Variants in SS18 observed in about 807,000 individuals in gnomAD.
The protein encoded by SS18 is SS18 subunit of BAF chromatin remodeling complex, also known as protein SSXT.
In SS18, 28 loss-of-function variants were observed where a neutral mutation model predicts 72.5. That is an observed-to-expected ratio of 0.39 (90% CI 0.29 to 0.53). The LOEUF is 0.53. Among genes scored for constraint, SS18 ranks in the 20% least tolerant of loss-of-function variants. SS18 has a pLI of 0.76. For missense variants in SS18, 518 were observed against 535.3 expected, an observed-to-expected ratio of 0.97 and a Z score of 0.32; for synonymous variants, 172 against 164.2, an observed-to-expected ratio of 1.05 and a Z score of -0.37.
intron 10 of SS18, among the ~76,000 whole-genome samples, chr18:26,021,230 C>A (rs1229513362): frequency 6.6e-6 from 1 of 152,224 alleles, no homozygotes; most frequent in Non-Finnish European, 1.5e-5. Context: ...AACGTCACCA[C>A]TTAACAGCTT....
At position 26,073,032 on chromosome 18, in the gene SS18, A is replaced by C. The variant is rs551613186; in HGVS notation, c.231+5044T>G. Among the ~76,000 whole-genome samples, 4 of 152,270 alleles carry C rather than the reference A, an allele frequency of 2.6e-5. No homozygotes were observed. In the East Asian group the frequency reaches 5.8e-4, roughly 22 times the overall value. ...TATAGAACTCTGCTCTCAGTGGCTA[A>C]ACAATACATATTTTTTTTAAATACA... On this transcript the variant is annotated intron_variant, in intron 3 of 10. Transcript: ENST00000415083.
intron 10 of SS18, among the ~76,000 whole-genome samples, chr18:26,019,107 T>C (rs1298696718): frequency 6.6e-6 from 1 of 152,192 alleles, no homozygotes; most frequent in African/African-American, 2.4e-5. Context: ...AGCACAATTC[T>C]GTGAGTGGGG....
chr18:26,060,583 C>T (rs2054101222), intron 3 of SS18, among the ~76,000 whole-genome samples: 1 of 151,252 alleles, frequency 6.6e-6, no homozygotes, highest in South Asian at 2.1e-4. Context: ...GAATGGACAA[C>T]CAAGAGAAAT....
intron 5 of SS18, among the ~76,000 whole-genome samples, chr18:26,042,117 G>C (rs2053739144): frequency 6.6e-6 from 1 of 152,062 alleles, no homozygotes; most frequent in Non-Finnish European, 1.5e-5. Flanking sequence ...TCCTTCTTAG[G>C]ATAATGAAAT....
At chr18:26,077,895 T>C (rs1466766392) in intron 3 of SS18, among the ~76,000 whole-genome samples, 181 bp downstream of exon 3, 2 of 152,156 alleles carry the variant, frequency 1.3e-5, no homozygotes, top group African/African-American at 4.8e-5. Flanking sequence ...GAATCAATTT[T>C]AGGTGAATTC....
At chr18:26,043,185 G>A (rs987705808) in intron 5 of SS18, among the ~76,000 whole-genome samples, 1 of 152,076 alleles carries the variant, frequency 6.6e-6, no homozygotes, top group Admixed American at 6.6e-5. Flanking sequence ...GTACTGCTAC[G>A]AAAGGCTCTA....
chr18:26,047,205 G>C (rs898532196), intron 5 of SS18, among the ~76,000 whole-genome samples: 8 of 148,434 alleles, frequency 5.4e-5, no homozygotes, highest in Non-Finnish European at 1.0e-4. Flanking sequence ...GTTAGCGCCT[G>C]GCACTAACAG....
At chr18:26,087,429 G>C in intron 2 of SS18, 72 bp downstream of exon 2, 1 of 789,864 alleles carries the variant, frequency 1.3e-6, no homozygotes, top group Non-Finnish European at 2.2e-6. Context: ...TCTCAATAAA[G>C]CTGTTAGTAA....
At chr18:26,058,870 T>G (rs1326641136) in intron 3 of SS18, among the ~76,000 whole-genome samples, 1 of 152,202 alleles carries the variant, frequency 6.6e-6, no homozygotes, top group Non-Finnish European at 1.5e-5. Context: ...CTTAAAAACC[T>G]TGTTCAGTTT....
Position 26,038,599 on chromosome 18 carries a change from C to T in SS18, c.836G>A (p.Gly279Glu). 2 of 1,613,568 alleles carry T rather than the reference C, an allele frequency of 1.2e-6. No homozygotes were observed. The highest frequency in any genetic ancestry group is 1.7e-6 in the Non-Finnish European group (2 of 1,179,596). Residue 279 changes from glycine to glutamate, a missense_variant, in exon 7 of 11, where the codon GGA becomes GAA. Physicochemically the swap from Gly to Glu is moderately conservative, Grantham distance 98 (BLOSUM62 -2). Transcript: ENST00000415083. ...GTTCATGCCTTCTGGAGGACCTTGT[C>T]CACCATGACTGTATTGGTCCCCGTA... The part of the protein sequence containing the change: ...DYYGDQYSHG[G>E]QGPPEGMNQQ...
chr18:26,073,621 C>CA (rs1172748334), intron 3 of SS18, among the ~76,000 whole-genome samples: 6 of 152,080 alleles, frequency 3.9e-5, no homozygotes, highest in African/African-American at 1.4e-4. Context: ...TATTATTAGT[C>CA]AATGTATTAC....
upstream of SS18, chr18:26,090,618 G>A (rs369547897): frequency 1.7e-5 from 26 of 1,532,494 alleles, no homozygotes; most frequent in South Asian, 1.7e-4. Flanking sequence ...CCGGGTGAAC[G>A]GCAAACTGGG....
chr18:26,091,219 C>A (rs2054722836), upstream of SS18: 2 of 152,454 alleles, frequency 1.3e-5, no homozygotes, highest in Non-Finnish European at 2.9e-5. Flanking sequence ...GGTGGAAGGA[C>A]AAGGTGAACG....
rs368003587 is a variant in SS18, at chr18:26,022,289, C to T, written c.1231-3909G>A. ...TCAACAGTAATAAAAACAGACAAAG[C>T]GATGCTTTTAAAGAGGTTACATTCT... On this transcript the variant is annotated intron_variant, in intron 10 of 10. Transcript: ENST00000415083. Among the ~76,000 whole-genome samples, 23 of 152,030 alleles carry T rather than the reference C, an allele frequency of 1.5e-4. No homozygotes were observed. The East Asian group carries it at 2.3e-3, about 15-fold the overall frequency.
At chr18:26,066,364 A>G (rs1861706624) in intron 3 of SS18, among the ~76,000 whole-genome samples, 1 of 152,094 alleles carries the variant, frequency 6.6e-6, no homozygotes, top group South Asian at 2.1e-4. Flanking sequence ...TTAATTATCA[A>G]AATTGCCTAC....
At chr18:26,033,804 C>T (rs1298288435) in intron 9 of SS18, among the ~76,000 whole-genome samples, 3 of 152,020 alleles carry the variant, frequency 2.0e-5, no homozygotes, top group Non-Finnish European at 4.4e-5. Flanking sequence ...AACTATAATA[C>T]TTCAACAAAA....
intron 7 of SS18, among the ~76,000 whole-genome samples, chr18:26,036,499 T>C (rs910780247): frequency 2.6e-5 from 4 of 152,160 alleles, no homozygotes; most frequent in African/African-American, 9.7e-5. Flanking sequence ...CTTTAGAAAA[T>C]ATTTCAAGTA....
rs117727373 is a variant in SS18 at position 26,056,918 on chromosome 18, A to G, written c.385+671T>C. ...CAAACCAGCCAAAGGTAACTAAATCAGCATCCAATGTCTTAAAACATATCA... is the reference window on the plus strand; with the variant it reads ...CAAACCAGCCAAAGGTAACTAAATCGGCATCCAATGTCTTAAAACATATCA... On this transcript the variant is annotated intron_variant, in intron 4 of 10. Transcript: ENST00000415083. 8.0e-3 allele frequency among the ~76,000 whole-genome samples: 1,220 copies of G among 152,366 alleles called. 10 individuals carry two copies. Among genetic ancestry groups the G allele is most frequent in the Non-Finnish European group, 0.012 (826 of 68,032 alleles).
intron 2 of SS18, among the ~76,000 whole-genome samples, chr18:26,079,709 A>G (rs756991757): frequency 6.6e-6 from 1 of 152,010 alleles, no homozygotes; most frequent in Non-Finnish European, 1.5e-5. Context: ...CAGCCTCCCA[A>G]GTAGCTGGGC....
Sources: allele counts gnomAD v4.1 joint callset (sites outside exome capture counted in the v4.1 genomes callset), GRCh38; gene constraint gnomAD v4.1.1; transcripts MANE v1.5; gene names NCBI Gene and HGNC (gene_info 2026-07-23, HGNC 2026-07-21).